Variants in SRBD1 observed in about 807,000 individuals in gnomAD.
SRBD1 encodes the protein S1 RNA-binding domain-containing protein 1.
A neutral mutation model predicts 115.3 loss-of-function variants in SRBD1; 88 were observed. The observed-to-expected ratio is 0.76, with a 90% CI of 0.64 to 0.91. SRBD1 has a LOEUF of 0.91. Among genes scored for constraint, SRBD1 ranks in the 40% least tolerant of loss-of-function variants. The probability of loss-of-function intolerance (pLI) is 0.00; values close to 1 mark genes in which losing one functional copy is unlikely to be tolerated. For missense variants in SRBD1, 1,385 were observed against 1,177.4 expected (o/e 1.18, Z -2.58); for synonymous variants, 509 against 407.7 (o/e 1.25, Z -2.99).
At chr2:45,604,020 AC>A (rs1674183937) in intron 2 of SRBD1, among the ~76,000 whole-genome samples, 1 of 151,850 alleles carries the variant, frequency 6.6e-6, no homozygotes, top group South Asian at 2.1e-4. Flanking sequence ...ATTCTTTCAT[AC>A]CCCAAATCCA....
chr2:45,596,130 T>G (rs1673887052), intron 4 of SRBD1, among the ~76,000 whole-genome samples: 1 of 152,200 alleles, frequency 6.6e-6, no homozygotes, highest in Admixed American at 6.5e-5. Context: ...TGCTTCCAAG[T>G]CACTATTCCC....
At chr2:45,412,977 G>C in intron 19 of SRBD1, 137 bp downstream of exon 19, 1 of 915,360 alleles carries the variant, frequency 1.1e-6, no homozygotes, top group Non-Finnish European at 1.6e-6. Flanking sequence ...ACATAACTCA[G>C]CAATGCAGAA....
intron 4 of SRBD1, among the ~76,000 whole-genome samples, chr2:45,589,544 C>T (rs971814351): frequency 1.3e-5 from 2 of 152,198 alleles, no homozygotes; most frequent in Non-Finnish European, 2.9e-5. Context: ...TGGGCTCCCA[C>T]TACCCAACAG....
chr2:45,470,131 C>T (rs1157145008), intron 16 of SRBD1, among the ~76,000 whole-genome samples: 1 of 152,166 alleles, frequency 6.6e-6, no homozygotes, highest in Non-Finnish European at 1.5e-5. Flanking sequence ...TTTGAGCAAA[C>T]ACTGTAGAAC....
chr2:45,539,962 T>G (rs776927390), intron 14 of SRBD1, among the ~76,000 whole-genome samples: 1 of 152,018 alleles, frequency 6.6e-6, no homozygotes, highest in Non-Finnish European at 1.5e-5. Context: ...AAGACAGGCT[T>G]GAAAATATAG....
intron 20 of SRBD1, among the ~76,000 whole-genome samples, chr2:45,390,980 G>A (rs1427633966): frequency 6.6e-6 from 1 of 152,144 alleles, no homozygotes; most frequent in Admixed American, 6.5e-5. Flanking sequence ...CTGTGTCAAA[G>A]CAAAGTGGAA....
At position 45,539,060 on chromosome 2, in the gene SRBD1, A is replaced by AT. The variant is rs539964446; in HGVS notation, c.1874+7671dup. On this transcript the variant is annotated intron_variant, in intron 14 of 20. Transcript: ENST00000263736. Reference sequence around the variant, plus strand: ...TAGATGATTGAAAAGATCATTATCTATTTTTTTTTATGGTCTTACTTTGGT... The same window carrying AT: ...TAGATGATTGAAAAGATCATTATCTATTTTTTTTTTATGGTCTTACTTTGGT... Among the ~76,000 whole-genome samples the AT allele has an allele frequency of 4.5e-3, 683 of 151,190 alleles. 11 individuals carry two copies. The highest frequency in any genetic ancestry group is 3.4e-3 in the Middle Eastern group (1 of 292).
At chr2:45,552,575 A>C (rs1672336336) in intron 11 of SRBD1, among the ~76,000 whole-genome samples, 2 of 152,224 alleles carry the variant, frequency 1.3e-5, no homozygotes, top group African/African-American at 4.8e-5. Context: ...AAACATACAA[A>C]AAGAAATTGA....
intron 9 of SRBD1, among the ~76,000 whole-genome samples, chr2:45,567,204 TCAAA>T (rs935064085): frequency 5.9e-5 from 9 of 152,198 alleles, no homozygotes; most frequent in East Asian, 1.9e-4. Flanking sequence ...ATTTTAAATA[TCAAA>T]CAAATTGTCA....
At position 45,602,914 on chromosome 2, in the gene SRBD1, G is replaced by A. The variant is rs574900690; in HGVS notation, c.81-831C>T. Among the ~76,000 whole-genome samples, 26 of 152,294 alleles carry A rather than the reference G, an allele frequency of 1.7e-4. No individual in the cohort carries two copies. In the East Asian group the frequency reaches 3.9e-3, roughly 23 times the overall value. On this transcript the variant is annotated intron_variant, in intron 2 of 20. Coordinates refer to ENST00000263736, the MANE Select transcript of SRBD1 (RefSeq NM_018079.5). Reference sequence around the variant, plus strand: ...TTCTTAGCTAAATTATGCTCTAGAAGAGAATAATTATGATAGGTCAAACTA... The same window carrying A: ...TTCTTAGCTAAATTATGCTCTAGAAAAGAATAATTATGATAGGTCAAACTA...
intron 4 of SRBD1, among the ~76,000 whole-genome samples, chr2:45,589,754 T>A (rs1033457493): frequency 6.6e-6 from 1 of 152,224 alleles, no homozygotes; most frequent in Admixed American, 6.5e-5. Context: ...AATCACCAAA[T>A]GTTTTCTATA....
chr2:45,586,692 C>T (rs962751169), intron 4 of SRBD1, among the ~76,000 whole-genome samples: 4 of 151,270 alleles, frequency 2.6e-5, no homozygotes, highest in African/African-American at 4.9e-5. Flanking sequence ...CTACAAGCCA[C>T]GCCATCACAC....
At chr2:45,476,554 A>G (rs1237726501) in intron 16 of SRBD1, among the ~76,000 whole-genome samples, 1 of 152,220 alleles carries the variant, frequency 6.6e-6, no homozygotes. Context: ...AATTAAAAAT[A>G]CAGTAACAAC....
intron 14 of SRBD1, among the ~76,000 whole-genome samples, chr2:45,500,228 CTGTGTG>C (rs60622580): frequency 2.0e-5 from 3 of 146,458 alleles, no homozygotes; most frequent in Non-Finnish European, 3.0e-5. Context: ...TAAATTTATC[CTGTGTG>C]TGTGTGTGTG....
At chr2:45,430,956 C>A (rs1668314364) in intron 16 of SRBD1, among the ~76,000 whole-genome samples, 2 of 152,052 alleles carry the variant, frequency 1.3e-5, no homozygotes, top group African/African-American at 2.4e-5. Flanking sequence ...AAGAAAAAAA[C>A]CACCCCATCA....
In SRBD1 at chr2:45,389,321, G is replaced by C. The variant is rs758691871; in HGVS notation, c.2977C>G (p.Arg993Gly). 3.1e-6 allele frequency: 5 copies of C among 1,613,304 alleles called. No homozygotes were observed. The highest frequency in any genetic ancestry group is 4.2e-6 in the Non-Finnish European group (5 of 1,179,506). The part of the protein sequence containing the change: ...PRSRITLDLI[R>G]VL ...CCTTCGTGGGATACTCATAACACCCGAATGAGGTCCAGAGTAATCCTAGAT... is the reference window on the plus strand; with the variant it reads ...CCTTCGTGGGATACTCATAACACCCCAATGAGGTCCAGAGTAATCCTAGAT... Residue 993 changes from arginine (R) to glycine (G), a missense_variant, in exon 21 of 21, where the codon CGG becomes GGG. Coordinates refer to ENST00000263736, the MANE Select transcript of SRBD1 (RefSeq NM_018079.5).
intron 14 of SRBD1, among the ~76,000 whole-genome samples, chr2:45,508,002 C>G (rs1180915503): frequency 6.6e-6 from 1 of 152,112 alleles, no homozygotes; most frequent in Non-Finnish European, 1.5e-5. Context: ...ACATTTCTCC[C>G]ATCCCTTCTT....
intron 14 of SRBD1, among the ~76,000 whole-genome samples, chr2:45,528,783 C>T (rs1381794438): frequency 6.6e-6 from 1 of 151,632 alleles, no homozygotes; most frequent in Non-Finnish European, 1.5e-5. Flanking sequence ...GGAAGAGGTA[C>T]AAGAATGCCT....
intron 14 of SRBD1, among the ~76,000 whole-genome samples, chr2:45,541,364 T>C (rs984303563): frequency 6.6e-6 from 1 of 152,196 alleles, no homozygotes; most frequent in African/African-American, 2.4e-5. Flanking sequence ...GCTGCAGCTC[T>C]TTTCTCCTTC....
Sources: gnomAD v4.1 joint callset for allele counts (sites outside exome capture counted in the v4.1 genomes callset) on GRCh38, gnomAD v4.1.1 for gene constraint, MANE v1.5 for transcripts, NCBI Gene and HGNC (gene_info 2026-07-23, HGNC 2026-07-21) for gene names.